PAK2: variants seen among roughly 807,000 people sequenced by gnomAD.
The protein encoded by PAK2 is serine/threonine-protein kinase PAK 2.
Under a neutral mutation model 65.9 loss-of-function variants are expected in PAK2, and 21 were observed. The observed-to-expected ratio is 0.32, with a 90% CI of 0.23 to 0.46. PAK2 has a LOEUF of 0.46. Among genes scored for constraint, PAK2 ranks in the 20% least tolerant of loss-of-function variants. The probability of loss-of-function intolerance (pLI) is 1.00; values close to 1 mark genes in which losing one functional copy is unlikely to be tolerated. For synonymous variants in PAK2, 204 were observed against 219.7 expected, an observed-to-expected ratio of 0.93 and a Z score of 0.63; for missense variants, 324 against 642.6, an observed-to-expected ratio of 0.50 and a Z score of 5.36.
intron 2 of PAK2, among the ~76,000 whole-genome samples, chr3:196,794,151 A>G (rs962072172): frequency 6.6e-6 from 1 of 152,124 alleles, no homozygotes; most frequent in Non-Finnish European, 1.5e-5. Context: ...AGAAAAGAAA[A>G]TTCTCTCAAA....
chr3:196,824,978 T>C (rs1428565722), intron 13 of PAK2, among the ~76,000 whole-genome samples: 1 of 152,184 alleles, frequency 6.6e-6, no homozygotes, highest in Non-Finnish European at 1.5e-5. Flanking sequence ...TTGGGGAGGT[T>C]GCGTGTGGGA....
At chr3:196,756,934 T>C (rs1713789679) in intron 1 of PAK2, among the ~76,000 whole-genome samples, 1 of 152,234 alleles carries the variant, frequency 6.6e-6, no homozygotes. Context: ...TTTTACTTGC[T>C]GCATAAAGGG....
At chr3:196,768,813 G>A (rs1031628099) in intron 1 of PAK2, among the ~76,000 whole-genome samples, 1 of 151,628 alleles carries the variant, frequency 6.6e-6, no homozygotes, top group Non-Finnish European at 1.5e-5. Context: ...TTACAGACGC[G>A]TCTCATCATG....
chr3:196,827,607 G>A (rs1237129248), intron 14 of PAK2: 1 of 164,460 alleles, frequency 6.1e-6, no homozygotes, highest in African/African-American at 2.4e-5. Flanking sequence ...CTGTTGTGGG[G>A]TGGGGGGAGT....
intron 1 of PAK2, among the ~76,000 whole-genome samples, chr3:196,767,548 GCATGATCTTGGCTCAC>G (rs1379342854): frequency 6.6e-6 from 1 of 152,052 alleles, no homozygotes; most frequent in African/African-American, 2.4e-5. Flanking sequence ...GAGTGCAGTG[GCATGATCTTGGCTCAC>G]TGCAACCTCC....
intron 13 of PAK2, among the ~76,000 whole-genome samples, chr3:196,821,339 CA>C (rs1393911280): frequency 6.7e-6 from 1 of 149,184 alleles, no homozygotes; most frequent in Admixed American, 6.7e-5. Flanking sequence ...CAAAAAACAA[CA>C]AAAAACCCCA....
rs1325200783 is a variant in PAK2 at position 196,830,560 on chromosome 3, T to G, written c.*2155T>G. On this transcript the variant is annotated 3_prime_UTR_variant, in exon 15 of 15. Coordinates refer to ENST00000327134, the MANE Select transcript of PAK2 (RefSeq NM_002577.4). ...CACTGACTATGTGCCAACGCCTCGT[T>G]TCAGGCTTGTGACTCAACAAAGGGC... is the stretch of plus-strand genomic sequence containing the variant. 6.6e-6 allele frequency: 1 copy of G among 152,214 alleles called. No homozygotes were observed. Among genetic ancestry groups the G allele is most frequent in the African/African-American group, 2.4e-5 (1 of 41,448 alleles). The allele number at this position is 152,214 out of a possible 1,614,324, so 9.4% of individuals were successfully genotyped here. A position where few individuals can be genotyped will look rare whatever the true frequency, so the allele number is the denominator to read the frequency against.
At chr3:196,758,638 TTTTTA>T (rs550780840) in intron 1 of PAK2, among the ~76,000 whole-genome samples, 15 of 152,212 alleles carry the variant, frequency 9.9e-5, no homozygotes, top group African/African-American at 3.6e-4. Context: ...AGTGATAGTA[TTTTTA>T]TTTTATTTTA....
chr3:196,764,764 C>T (rs552977688), intron 1 of PAK2, among the ~76,000 whole-genome samples: 2 of 151,964 alleles, frequency 1.3e-5, no homozygotes, highest in South Asian at 4.2e-4. Context: ...GGCAGTCCTC[C>T]CGCCTCACCC....
chr3:196,817,060 C>A (rs751918372), intron 11 of PAK2, among the ~76,000 whole-genome samples: 20 of 151,046 alleles, frequency 1.3e-4, no homozygotes, highest in African/African-American at 4.9e-4. Context: ...TGGGAATGAT[C>A]AAGGTTTTTT....
intron 1 of PAK2, among the ~76,000 whole-genome samples, chr3:196,768,703 G>A (rs1258026011): frequency 6.6e-6 from 1 of 151,558 alleles, no homozygotes; most frequent in East Asian, 1.9e-4. Context: ...GTCTTGCTCT[G>A]TCCCTCAGGC....
intron 1 of PAK2, among the ~76,000 whole-genome samples, chr3:196,749,362 C>A (rs921530059): frequency 1.3e-5 from 2 of 152,100 alleles, no homozygotes; most frequent in African/African-American, 4.8e-5. Context: ...ACGTTTCCAC[C>A]AGCAGCGCAC....
intron 10 of PAK2, among the ~76,000 whole-genome samples, chr3:196,813,899 G>A (rs1560115269): frequency 6.6e-6 from 1 of 152,098 alleles, no homozygotes; most frequent in Non-Finnish European, 1.5e-5. Flanking sequence ...GCAGTGAGCC[G>A]AGATCGCGCC....
intron 1 of PAK2, among the ~76,000 whole-genome samples, chr3:196,775,507 C>G (rs1412875069): frequency 6.6e-6 from 1 of 151,968 alleles, no homozygotes; most frequent in East Asian, 1.9e-4. Flanking sequence ...CTCAGCCTCC[C>G]GAGTAGCTGG....
At chr3:196,754,308 AC>A (rs1713700905) in intron 1 of PAK2, among the ~76,000 whole-genome samples, 1 of 152,124 alleles carries the variant, frequency 6.6e-6, no homozygotes, top group African/African-American at 2.4e-5. Flanking sequence ...TGGATTTCTT[AC>A]TGCCTACTTA....
rs983743557 is a variant in PAK2, at chr3:196,805,507, G to A, written c.468+124G>A. 15 of 520,778 alleles carry A rather than the reference G, an allele frequency of 2.9e-5. No homozygotes were observed. The South Asian group carries it at 4.9e-4, about 17-fold the overall frequency. 32.3% of individuals were successfully genotyped at this position (520,778 alleles called of 1,614,324 possible). A position where few individuals can be genotyped will look rare whatever the true frequency, so the allele number is the denominator to read the frequency against. On this transcript the variant is annotated intron_variant, in intron 5 of 14. Transcript: ENST00000327134. ...ATCAGAGGTAAATAACTACTCAATA[G>A]GTGTTTTTAGCTAGCCACCTGATTA...
At position 196,825,948 on chromosome 3, in the gene PAK2, G is replaced by A. The variant is rs567575316; in HGVS notation, c.1351-1248G>A. Reference sequence around the variant, plus strand: ...AACCTCCACCTCCCATATTCAAGCAGTTCTCCTGCCTCAGCCTCCCGAGTA... The same window carrying A: ...AACCTCCACCTCCCATATTCAAGCAATTCTCCTGCCTCAGCCTCCCGAGTA... On this transcript the variant is annotated intron_variant, in intron 13 of 14. Coordinates refer to ENST00000327134, the MANE Select transcript of PAK2 (RefSeq NM_002577.4). Among the ~76,000 whole-genome samples the A allele has an allele frequency of 2.6e-5, 4 of 151,940 alleles. No homozygotes were observed. In the South Asian group the frequency reaches 6.2e-4, roughly 24 times the overall value.
chr3:196,795,437 G>A (rs182119706), intron 2 of PAK2, among the ~76,000 whole-genome samples: 202 of 152,108 alleles, frequency 1.3e-3, no homozygotes, highest in Non-Finnish European at 2.3e-3. Flanking sequence ...ACTGCACTCC[G>A]GCCTGGGTGT....
At chr3:196,796,017 T>C (rs554113380) in intron 2 of PAK2, among the ~76,000 whole-genome samples, 176 of 152,336 alleles carry the variant, frequency 1.2e-3, no homozygotes, top group African/African-American at 4.1e-3. Flanking sequence ...CCTGGATCCC[T>C]CGCGTGTGCA....
Sources: gnomAD v4.1 joint callset for allele counts (sites outside exome capture counted in the v4.1 genomes callset) on GRCh38, gnomAD v4.1.1 for gene constraint, MANE v1.5 for transcripts, NCBI Gene and HGNC (gene_info 2026-07-23, HGNC 2026-07-21) for gene names.